HSD17B7: variants seen among roughly 807,000 people sequenced by gnomAD.
HSD17B7 encodes 3-keto-steroid reductase/17-beta-hydroxysteroid dehydrogenase 7.
In HSD17B7, 17 loss-of-function variants were observed where a neutral mutation model predicts 34.1. That is an observed-to-expected ratio of 0.50 (90% confidence interval 0.34 to 0.75). HSD17B7 has a LOEUF of 0.75. Ranked by LOEUF, HSD17B7 falls within the 30% of genes least tolerant of loss-of-function variation. HSD17B7 has a pLI of 0.01. For synonymous variants in HSD17B7, 122 were observed against 154.6 expected (o/e 0.79, Z 1.56); for missense variants, 296 against 406.6 (o/e 0.73, Z 2.34).
At chr1:162,799,657 C>G (rs1443284288) in intron 4 of HSD17B7, 86 bp from the exon 5 acceptor site, 1 of 790,210 alleles carries the variant, frequency 1.3e-6, no homozygotes, top group African/African-American at 1.8e-5. Context: ...TGACCCTAAT[C>G]TCTTACCATA....
chr1:162,796,013 C>A (rs1180093437), intron 2 of HSD17B7, among the ~76,000 whole-genome samples: 1 of 84,384 alleles, frequency 1.2e-5, no homozygotes. Context: ...TTCTTACGAA[C>A]TTTCATCATT....
intron 8 of HSD17B7, among the ~76,000 whole-genome samples, chr1:162,807,700 T>C (rs2102237103): frequency 6.6e-6 from 1 of 152,368 alleles, no homozygotes; most frequent in African/African-American, 2.4e-5. Context: ...ATTGTGGTTT[T>C]GATTTGCATT....
intron 8 of HSD17B7, among the ~76,000 whole-genome samples, chr1:162,807,333 A>C (rs1649018517): frequency 6.6e-6 from 1 of 152,234 alleles, no homozygotes; most frequent in Admixed American, 6.5e-5. Context: ...ATAGTATTCT[A>C]TGCTGTATAT....
chr1:162,797,869 G>T lies in HSD17B7; in HGVS notation c.400G>T (p.Gly134Ter). 2.5e-6 allele frequency: 4 copies of T among 1,613,870 alleles called. No homozygotes were observed. The highest frequency in any genetic ancestry group is 3.4e-6 in the Non-Finnish European group (4 of 1,179,838). ...CCAGGGTGATAAGATCACTGCTGAT[G>T]GACTTCAGGAGGTGTTTGAGACCAA... ...LTQGDKITAD[G>*]LQEVFETNVF... Residue 134 changes from glycine to a stop codon, truncating the protein, a stop_gained, in exon 4 of 9, where the codon GGA becomes TGA. Coordinates refer to ENST00000254521, the MANE Select transcript of HSD17B7 (RefSeq NM_016371.4). LOFTEE classifies it high-confidence loss of function.
chr1:162,810,188 T>A (rs1443276794), intron 8 of HSD17B7, among the ~76,000 whole-genome samples: 1 of 152,238 alleles, frequency 6.6e-6, no homozygotes, highest in Non-Finnish European at 1.5e-5. Flanking sequence ...TCTTTACGTC[T>A]GCCCTCATTT....
chr1:162,799,678 G>T (rs1648739357), intron 4 of HSD17B7, 65 bp from the exon 5 acceptor site: 2 of 1,250,110 alleles, frequency 1.6e-6, no homozygotes, highest in Admixed American at 4.0e-5. Context: ...CAGTACAGTG[G>T]TTTCAAAATT....
At chr1:162,800,361 C>T (rs191346951) in intron 5 of HSD17B7, 3 of 440,100 alleles carry the variant, frequency 6.8e-6, no homozygotes, top group East Asian at 1.4e-4. Flanking sequence ...TGGTAGAGCT[C>T]AGAATTGAGC....
intron 3 of HSD17B7, among the ~76,000 whole-genome samples, 161 bp downstream of exon 3, chr1:162,796,838 A>G (rs570637331): frequency 6.6e-6 from 1 of 152,206 alleles, no homozygotes; most frequent in African/African-American, 2.4e-5. Context: ...AAGAAAAGCA[A>G]TCCTCTTTTG....
chr1:162,812,661 G>A lies in HSD17B7; in HGVS notation c.*241G>A. ...CCACTGCACTCCAGCCTGGGTGACA[G>A]CGAGACCCTGTCTCAAAATATGTAT... On this transcript the variant is annotated 3_prime_UTR_variant, in exon 9 of 9. Coordinates refer to ENST00000254521, the MANE Select transcript of HSD17B7 (RefSeq NM_016371.4). The A allele has an allele frequency of 3.4e-6, 1 of 290,126 alleles. No homozygotes were observed. The highest frequency in any genetic ancestry group is 6.4e-6 in the Non-Finnish European group (1 of 156,516). The allele number at this position is 290,126 out of a possible 1,614,324, so 18.0% of individuals were successfully genotyped here.
chr1:162,793,363 A>C lies in HSD17B7; in HGVS notation c.239+501A>C, dbSNP rs1648486817. Among the ~76,000 whole-genome samples, 3 of 152,056 alleles carry C rather than the reference A, an allele frequency of 2.0e-5. No individual in the cohort carries two copies. The South Asian group carries it at 6.2e-4, about 31-fold the overall frequency. On this transcript the variant is annotated intron_variant, in intron 2 of 8. Coordinates refer to ENST00000254521, the MANE Select transcript of HSD17B7 (RefSeq NM_016371.4). ...CACATTTTCAGTCTCAATCATGATC[A>C]TAATTATTTCATGGAGACTAATTTA...
Position 162,805,445 on chromosome 1 carries a change from C to G in HSD17B7, c.856C>G (p.Leu286Val). 2 of 1,613,182 alleles carry G rather than the reference C, an allele frequency of 1.2e-6. No individual in the cohort carries two copies. Among genetic ancestry groups the G allele is most frequent in the Non-Finnish European group, 1.7e-6 (2 of 1,179,386 alleles). ...ATCTCTCAATCCTCTGATCAAATAT[C>G]TGAGTGCCACCACTGGCTTTGGAAG... ...PESLNPLIKY[L>V]SATTGFGRNY... The change falls in exon 8 of 9, where the codon CTG becomes GTG. Residue 286 changes from leucine (L) to valine (V), a missense_variant. Transcript: ENST00000254521.
intron 8 of HSD17B7, among the ~76,000 whole-genome samples, chr1:162,807,584 C>T (rs1436118348): frequency 6.6e-6 from 1 of 152,074 alleles, no homozygotes; most frequent in Non-Finnish European, 1.5e-5. Flanking sequence ...GTTTACAGTC[C>T]CACCAACAGT....
At position 162,812,503 on chromosome 1, in the gene HSD17B7, T is replaced by C. The variant is rs1421362414; in HGVS notation, c.*83T>C. On this transcript the variant is annotated 3_prime_UTR_variant, in exon 9 of 9. Coordinates refer to ENST00000254521, the MANE Select transcript of HSD17B7 (RefSeq NM_016371.4). ...CAGCCTGAGAAACATAGTGAGCCCT[T>C]GTCTCTACAAAAAGAAATAAAAATA... 1 of 1,257,916 alleles carries C rather than the reference T, an allele frequency of 7.9e-7. No individual in the cohort carries two copies. The highest frequency in any genetic ancestry group is 1.1e-6 in the Non-Finnish European group (1 of 915,698). The allele number at this position is 1,257,916 out of a possible 1,614,324, so 77.9% of individuals were successfully genotyped here.
chr1:162,799,814 T>C lies in HSD17B7; in HGVS notation c.519T>C (p.Ser173=), dbSNP rs760206381. The C allele has an allele frequency of 1.2e-6, 2 of 1,614,080 alleles. No homozygotes were observed. Among genetic ancestry groups the C allele is most frequent in the Non-Finnish European group, 1.7e-6 (2 of 1,179,968 alleles). Residue 173 remains serine, a synonymous_variant, in exon 5 of 9, where the codon AGT becomes AGC. Transcript: ENST00000254521. The part of the protein sequence containing the change: ...PSQLIWTSSR[S]ARKSNFSLED... ...AGCTCATCTGGACATCATCTCGCAG[T>C]GCAAGGAAATCTAATTTCAGCCTCG...
At chr1:162,808,241 T>A (rs1290312947) in intron 8 of HSD17B7, among the ~76,000 whole-genome samples, 3 of 152,160 alleles carry the variant, frequency 2.0e-5, no homozygotes, top group Non-Finnish European at 2.9e-5. Context: ...TCCCCATTTC[T>A]TGTTTTTGTC....
At chr1:162,796,825 T>A in intron 3 of HSD17B7, 148 bp downstream of exon 3, 1 of 628,030 alleles carries the variant, frequency 1.6e-6, no homozygotes, top group East Asian at 2.7e-5. Context: ...AACCATATCA[T>A]GAAAGAAAAG....
At chr1:162,800,670 C>T (rs950962298) in intron 5 of HSD17B7, among the ~76,000 whole-genome samples, 4 of 152,180 alleles carry the variant, frequency 2.6e-5, no homozygotes, top group African/African-American at 9.7e-5. Context: ...TGGAAATCTC[C>T]AGTCTTCGCC....
At chr1:162,809,849 A>G (rs1571011607) in intron 8 of HSD17B7, among the ~76,000 whole-genome samples, 1 of 151,916 alleles carries the variant, frequency 6.6e-6, no homozygotes, top group Admixed American at 6.5e-5. Context: ...CTTCTTCTTT[A>G]TTAGTCTTGC....
intron 2 of HSD17B7, among the ~76,000 whole-genome samples, 195 bp from the exon 3 acceptor site, chr1:162,796,390 G>A (rs1480909421): frequency 2.6e-5 from 4 of 152,190 alleles, no homozygotes; most frequent in African/African-American, 9.6e-5. Context: ...AAGAAAAACT[G>A]TTGAGAAAGA....
Sources: allele counts gnomAD v4.1 joint callset (sites outside exome capture counted in the v4.1 genomes callset), GRCh38; gene constraint gnomAD v4.1.1; transcripts MANE v1.5; gene names NCBI Gene and HGNC (gene_info 2026-07-23, HGNC 2026-07-21).